The following NSMCE2 variants were observed in gnomAD, a reference collection of about 807,000 sequenced individuals.
NSMCE2 encodes the protein E3 SUMO-protein ligase NSE2.
NSMCE2 carries 24 observed loss-of-function variants against 23.8 expected under a neutral mutation model. The ratio of observed to expected loss-of-function variants is 1.01; its 90% CI spans 0.73 to 1.42. The LOEUF (loss-of-function observed/expected upper bound fraction) is 1.42, where lower values mean the gene tolerates loss of function less well. Ranked by LOEUF, NSMCE2 falls within the 40% of genes most tolerant of loss-of-function variation. The pLI is 0.00. For missense variants in NSMCE2, 284 were observed against 296.5 expected (o/e 0.96, Z 0.31); for synonymous variants, 92 against 94.1 (o/e 0.98, Z 0.13).
intron 7 of NSMCE2, among the ~76,000 whole-genome samples, chr8:125,361,503 T>A (rs1192101553): frequency 2.0e-5 from 3 of 152,210 alleles, no homozygotes; most frequent in African/African-American, 7.2e-5. Flanking sequence ...GTGCTTGGAA[T>A]TCCTGTTTCA....
chr8:125,203,071 G>A (rs752794493), intron 5 of NSMCE2, among the ~76,000 whole-genome samples: 4 of 152,094 alleles, frequency 2.6e-5, no homozygotes, highest in Non-Finnish European at 5.9e-5. Flanking sequence ...AAATGGAGCT[G>A]CAGCTATCAC....
At chr8:125,170,346 C>T (rs1822116478) in intron 4 of NSMCE2, among the ~76,000 whole-genome samples, 1 of 144,176 alleles carries the variant, frequency 6.9e-6, no homozygotes, top group South Asian at 2.2e-4. Flanking sequence ...AGCCCATATC[C>T]AGTCCATCAA....
chr8:125,202,309 G>T (rs1009782087), intron 5 of NSMCE2, among the ~76,000 whole-genome samples: 1 of 152,216 alleles, frequency 6.6e-6, no homozygotes, highest in African/African-American at 2.4e-5. Context: ...ATCACGCTGG[G>T]AGCTGCAGAC....
At chr8:125,223,998 G>C (rs1824987638) in intron 5 of NSMCE2, among the ~76,000 whole-genome samples, 1 of 151,806 alleles carries the variant, frequency 6.6e-6, no homozygotes, top group South Asian at 2.1e-4. Context: ...AACCATGCCT[G>C]GCTAATTTTT....
At chr8:125,155,844 A>C (rs1243487773) in intron 4 of NSMCE2, among the ~76,000 whole-genome samples, 1 of 152,248 alleles carries the variant, frequency 6.6e-6, no homozygotes, top group Admixed American at 6.5e-5. Flanking sequence ...TAACAAATCC[A>C]ACCACTATCA....
At chr8:125,315,750 G>A (rs992950559) in intron 5 of NSMCE2, among the ~76,000 whole-genome samples, 1 of 152,132 alleles carries the variant, frequency 6.6e-6, no homozygotes, top group Non-Finnish European at 1.5e-5. Flanking sequence ...TTTCCATGGA[G>A]GAGTCTTCCA....
At position 125,268,913 on chromosome 8, in the gene NSMCE2, A is replaced by C. The variant is rs142451552; in HGVS notation, c.418+86657A>C. Among the ~76,000 whole-genome samples, 48 of 152,344 alleles carry C rather than the reference A, an allele frequency of 3.2e-4. No homozygotes were observed. In the East Asian group the frequency reaches 7.1e-3, roughly 23 times the overall value. ...AGATCTTGGAGGAGCAAGAGTATCA[A>C]AAAGTAGGAATTTTAAAATTTGGCA... On this transcript the variant is annotated intron_variant, in intron 5 of 7. Coordinates refer to ENST00000287437, the MANE Select transcript of NSMCE2 (RefSeq NM_173685.4).
At chr8:125,205,221 G>A (rs1378918487) in intron 5 of NSMCE2, among the ~76,000 whole-genome samples, 1 of 152,198 alleles carries the variant, frequency 6.6e-6, no homozygotes, top group South Asian at 2.1e-4. Flanking sequence ...CTAAGGTAGA[G>A]CAAGTGCATG....
At chr8:125,345,075 G>A (rs1190580508) in intron 5 of NSMCE2, among the ~76,000 whole-genome samples, 1 of 150,170 alleles carries the variant, frequency 6.7e-6, no homozygotes, top group Non-Finnish European at 1.5e-5. Context: ...GATTACTACT[G>A]TACTTCTGTA....
At chr8:125,277,783 G>A (rs1586709172) in intron 5 of NSMCE2, among the ~76,000 whole-genome samples, 2 of 152,066 alleles carry the variant, frequency 1.3e-5, no homozygotes, top group Non-Finnish European at 2.9e-5. Flanking sequence ...CAGAGTGCTG[G>A]GATTACAGGC....
chr8:125,232,031 A>C (rs540581944), intron 5 of NSMCE2, among the ~76,000 whole-genome samples: 1 of 152,142 alleles, frequency 6.6e-6, no homozygotes, highest in African/African-American at 2.4e-5. Context: ...ACTGTATCTC[A>C]CAGTATCATC....
At chr8:125,196,375 C>T (rs1032516389) in intron 5 of NSMCE2, among the ~76,000 whole-genome samples, 10 of 151,966 alleles carry the variant, frequency 6.6e-5, no homozygotes, top group African/African-American at 2.2e-4. Context: ...CCTGACAAGC[C>T]GTGGTGTGTG....
Position 125,182,213 on chromosome 8 carries a change from A to C in NSMCE2, c.375A>C (p.Lys125Asn). The change falls in exon 5 of 8, where the codon AAA becomes AAC. Residue 125 changes from lysine to asparagine, a missense_variant. By Grantham distance (94) the Lys-to-Asn change is moderately conservative. Around this residue, in one of 2 missense-constraint regions of NSMCE2, gnomAD observed 182 missense variants for 155.5 expected, o/e 1.17. Coordinates refer to ENST00000287437, the MANE Select transcript of NSMCE2 (RefSeq NM_173685.4). ...ATGCAGACTTTCAAAATAATGAAAA[A>C]TTTGTACAGTTTAAACAACAGCTGA... ...NSDADFQNNE[K>N]FVQFKQQLKE... 6.2e-7 allele frequency: 1 copy of C among 1,608,958 alleles called. No homozygotes were observed. Among genetic ancestry groups the C allele is most frequent in the Non-Finnish European group, 8.5e-7 (1 of 1,177,524 alleles).
intron 3 of NSMCE2, among the ~76,000 whole-genome samples, chr8:125,113,266 T>A (rs1818853983): frequency 6.6e-6 from 1 of 152,052 alleles, no homozygotes. Context: ...GGCAGAAGGA[T>A]CTCTTGAGGC....
At chr8:125,160,963 G>A (rs1821585926) in intron 4 of NSMCE2, among the ~76,000 whole-genome samples, 1 of 152,208 alleles carries the variant, frequency 6.6e-6, no homozygotes, top group African/African-American at 2.4e-5. Flanking sequence ...TCACATGCAG[G>A]TTGTCAGCTC....
At position 125,276,034 on chromosome 8, in the gene NSMCE2, C is replaced by G. The variant is rs549279686; in HGVS notation, c.419-81185C>G. Among the ~76,000 whole-genome samples the G allele has an allele frequency of 7.2e-5, 11 of 152,304 alleles. No homozygotes were observed. In the East Asian group the frequency reaches 1.7e-3, roughly 24 times the overall value. On this transcript the variant is annotated intron_variant, in intron 5 of 7. Coordinates refer to ENST00000287437, the MANE Select transcript of NSMCE2 (RefSeq NM_173685.4). The stretch of plus-strand genomic sequence containing the variant: ...ATCAGTCAGCCAGAGGTCTGCCCCC[C>G]GCACTGGGTCTTCTGTCCTGCTGTA...
At chr8:125,264,781 T>C (rs1826845499) in intron 5 of NSMCE2, among the ~76,000 whole-genome samples, 1 of 152,168 alleles carries the variant, frequency 6.6e-6, no homozygotes, top group African/African-American at 2.4e-5. Context: ...TCTTATACCA[T>C]CTTGCAGCCT....
chr8:125,314,994 A>T (rs1829122628), intron 5 of NSMCE2, among the ~76,000 whole-genome samples: 1 of 152,232 alleles, frequency 6.6e-6, no homozygotes, highest in Non-Finnish European at 1.5e-5. Flanking sequence ...ACTCACACTG[A>T]AGGGTTTAAA....
chr8:125,367,009 G>C lies in NSMCE2; in HGVS notation c.*124G>C, dbSNP rs1355676622. ...AGCATACTTGTTGGGGGTAAAACTT[G>C]TTGCTTTTATGTGTGCTTGAAAACA... On this transcript the variant is annotated 3_prime_UTR_variant, in exon 8 of 8. Transcript: ENST00000287437. The C allele has an allele frequency of 3.2e-6, 2 of 627,152 alleles. No homozygotes were observed. The highest frequency in any genetic ancestry group is 5.8e-6 in the Non-Finnish European group (2 of 342,870). The allele number at this position is 627,152 out of a possible 1,614,324, so 38.8% of individuals were successfully genotyped here. A position where few individuals can be genotyped will look rare whatever the true frequency, so the allele number is the denominator to read the frequency against.
Sources: gnomAD v4.1 joint callset for allele counts (sites outside exome capture counted in the v4.1 genomes callset) on GRCh38, gnomAD v4.1.1 for gene constraint, gnomAD v4.1.1 regional missense constraint, MANE v1.5 for transcripts, NCBI Gene and HGNC (gene_info 2026-07-23, HGNC 2026-07-21) for gene names.